TTC17: variants seen among roughly 807,000 people sequenced by gnomAD.
TTC17 encodes tetratricopeptide repeat protein 17.
TTC17 carries 58 observed loss-of-function variants against 143.8 expected under a neutral mutation model. That is an observed-to-expected ratio of 0.40 (90% confidence interval 0.33 to 0.50). The LOEUF is 0.50. Ranked by LOEUF, TTC17 falls within the 20% of genes least tolerant of loss-of-function variation. The pLI, the probability that TTC17 is intolerant of heterozygous loss-of-function variation, is 0.49. For missense variants in TTC17, 1,273 were observed against 1,392.5 expected (o/e 0.91, Z 1.37); for synonymous variants, 501 against 497.8 (o/e 1.01, Z -0.09).
chr11:43,489,416 A>G (rs1208679239), intron 21 of TTC17, among the ~76,000 whole-genome samples: 1 of 152,136 alleles, frequency 6.6e-6, no homozygotes. Context: ...AAATGGTGAT[A>G]CTTAGATATT....
intron 21 of TTC17, among the ~76,000 whole-genome samples, chr11:43,485,883 GTTTT>G (rs751026290): frequency 5.3e-5 from 6 of 112,614 alleles, no homozygotes; most frequent in Non-Finnish European, 9.1e-5. Context: ...TTGGTTTTTT[GTTTT>G]TTTTTTTTTT....
Position 43,470,120 on chromosome 11 carries a change from A to G in TTC17, c.3030+18855A>G, listed in dbSNP as rs578206180. 5.7e-4 allele frequency among the ~76,000 whole-genome samples: 87 copies of G among 152,358 alleles called. No individual in the cohort carries two copies. The South Asian group carries it at 0.018, about 31-fold the overall frequency. ...AAGGCAGATGGGAACTGAAATAAAA[A>G]TGAAATATCATTGATAATAAAACAA... On this transcript the variant is annotated intron_variant, in intron 21 of 23. Transcript: ENST00000039989.
chr11:43,442,572 C>T (rs1396748957), intron 16 of TTC17, among the ~76,000 whole-genome samples: 1 of 152,096 alleles, frequency 6.6e-6, no homozygotes, highest in African/African-American at 2.4e-5. Context: ...TTAAGAAACT[C>T]GGGCTAATTT....
chr11:43,461,867 G>T (rs975650252), intron 21 of TTC17, among the ~76,000 whole-genome samples: 3 of 152,102 alleles, frequency 2.0e-5, no homozygotes, highest in Admixed American at 1.3e-4. Context: ...AAAAAAGCAT[G>T]TTTTAAACTC....
intron 15 of TTC17, among the ~76,000 whole-genome samples, chr11:43,409,112 A>C (rs1302431338): frequency 6.6e-6 from 1 of 152,178 alleles, no homozygotes; most frequent in Non-Finnish European, 1.5e-5. Flanking sequence ...CATGTCTTCT[A>C]TACAAATATT....
chr11:43,368,988 C>CACA (rs1378132225), intron 1 of TTC17, among the ~76,000 whole-genome samples: 2 of 152,212 alleles, frequency 1.3e-5, no homozygotes, highest in African/African-American at 4.8e-5. Context: ...CAGATGGCAT[C>CACA]ACGGCTCAGC....
intron 1 of TTC17, among the ~76,000 whole-genome samples, chr11:43,377,579 G>A (rs988787385): frequency 7.9e-5 from 12 of 152,150 alleles, no homozygotes; most frequent in African/African-American, 2.7e-4. Context: ...TTTGCCATTT[G>A]CTGTCACCTC....
At chr11:43,412,074 A>G (rs1858438588) in intron 15 of TTC17, among the ~76,000 whole-genome samples, 2 of 152,376 alleles carry the variant, frequency 1.3e-5, no homozygotes, top group South Asian at 4.1e-4. Flanking sequence ...TAAAAACACT[A>G]TAGATGTATT....
chr11:43,457,897 T>G lies in TTC17; in HGVS notation c.3030+6632T>G, dbSNP rs115206212. ...AACAGAATCGGGCAGAAGTGATATT[T>G]GAAGAAATGGGCTAGAATGTTCCAA... On this transcript the variant is annotated intron_variant, in intron 21 of 23. Transcript: ENST00000039989. 6.2e-3 allele frequency among the ~76,000 whole-genome samples: 938 copies of G among 152,134 alleles called. 13 individuals are homozygous for G. The highest frequency in any genetic ancestry group is 0.021 in the African/African-American group (885 of 41,484).
intron 16 of TTC17, among the ~76,000 whole-genome samples, chr11:43,430,859 C>T (rs748191338): frequency 3.9e-5 from 6 of 152,020 alleles, no homozygotes; most frequent in Non-Finnish European, 7.4e-5. Context: ...CATAGGTATA[C>T]ATGTGCAACG....
chr11:43,453,947 A>C (rs1360812216), intron 21 of TTC17, among the ~76,000 whole-genome samples: 2 of 152,162 alleles, frequency 1.3e-5, no homozygotes, highest in Non-Finnish European at 2.9e-5. Flanking sequence ...TCAGCTGTTT[A>C]CCCTTGTGAT....
rs946317864 is a variant in TTC17 at position 43,397,966 on chromosome 11, C to G, written c.919-8C>G. 6.2e-7 allele frequency: 1 copy of G among 1,602,660 alleles called. No individual in the cohort carries two copies. On this transcript the variant is annotated splice_polypyrimidine_tract_variant and splice_region_variant and intron_variant, in intron 7 of 23. Transcript: ENST00000039989. ...TGTGTGTGTGTATGTTTGTTTTTGT[C>G]TCTTCAGATGCTTGGGGAATATAAC...
At chr11:43,387,868 T>C (rs1857226474) in intron 2 of TTC17, among the ~76,000 whole-genome samples, 3 of 152,208 alleles carry the variant, frequency 2.0e-5, no homozygotes, top group African/African-American at 4.8e-5. Flanking sequence ...AATAACATAG[T>C]CTACTACCAT....
chr11:43,433,536 A>G (rs1427319158), intron 16 of TTC17, among the ~76,000 whole-genome samples: 1 of 152,198 alleles, frequency 6.6e-6, no homozygotes, highest in Non-Finnish European at 1.5e-5. Context: ...TAGAATGCAC[A>G]TGGCTTGCAC....
At chr11:43,449,921 TAGA>T (rs1001637442) in intron 19 of TTC17, 158 bp from the exon 20 acceptor site, 1 of 770,372 alleles carries the variant, frequency 1.3e-6, no homozygotes, top group African/African-American at 1.8e-5. Flanking sequence ...GAAGAAATCC[TAGA>T]AGAAAACTTA....
intron 2 of TTC17, among the ~76,000 whole-genome samples, chr11:43,385,310 C>T (rs971380399): frequency 6.6e-6 from 1 of 152,152 alleles, no homozygotes; most frequent in South Asian, 2.1e-4. Context: ...GAATTGACCA[C>T]TGCCAGGATA....
At chr11:43,381,736 G>A (rs1856976473) in intron 2 of TTC17, among the ~76,000 whole-genome samples, 1 of 152,068 alleles carries the variant, frequency 6.6e-6, no homozygotes, top group South Asian at 2.1e-4. Context: ...GATAGAACCT[G>A]GAAACAACCA....
intron 15 of TTC17, among the ~76,000 whole-genome samples, chr11:43,410,392 T>C (rs1440436879): frequency 1.3e-5 from 2 of 152,196 alleles, no homozygotes; most frequent in Admixed American, 1.3e-4. Flanking sequence ...ATAAACTGTT[T>C]GTTTTTGTTT....
chr11:43,474,580 C>T (rs748172), intron 21 of TTC17, among the ~76,000 whole-genome samples: 85,603 of 151,976 alleles, frequency 0.56, 24,945 homozygotes, highest in African/African-American at 0.68. Context: ...CAGTTGGTAG[C>T]ATAACCATAC....
Sources: allele counts gnomAD v4.1 joint callset (sites outside exome capture counted in the v4.1 genomes callset), GRCh38; gene constraint gnomAD v4.1.1; transcripts MANE v1.5; gene names NCBI Gene and HGNC (gene_info 2026-07-23, HGNC 2026-07-21).